The following RBL1 variants were observed in gnomAD, a reference collection of about 807,000 sequenced individuals.
RBL1 encodes RB transcriptional corepressor like 1.
RBL1 carries 82 observed loss-of-function variants against 123.0 expected under a neutral mutation model. The ratio of observed to expected loss-of-function variants is 0.67; its 90% CI spans 0.56 to 0.80. The LOEUF is 0.80. Ranked by LOEUF, RBL1 falls within the 30% of genes least tolerant of loss-of-function variation. The pLI, the probability that RBL1 is intolerant of heterozygous loss-of-function variation, is 0.00. For synonymous variants in RBL1, 405 were observed against 441.3 expected, an observed-to-expected ratio of 0.92 and a Z score of 1.03; for missense variants, 1,171 against 1,299.6, an observed-to-expected ratio of 0.90 and a Z score of 1.52.
intron 11 of RBL1, among the ~76,000 whole-genome samples, chr20:37,052,438 T>C (rs900692094): frequency 5.9e-5 from 9 of 152,022 alleles, no homozygotes; most frequent in African/African-American, 2.2e-4. Flanking sequence ...CTCAAGCGAT[T>C]CTCCTGCTTC....
intron 13 of RBL1, among the ~76,000 whole-genome samples, chr20:37,043,229 C>T (rs1221328243): frequency 1.3e-5 from 2 of 151,698 alleles, no homozygotes; most frequent in Non-Finnish European, 2.9e-5. Context: ...AGCCTCTAGC[C>T]TCTAATCCCA....
intron 14 of RBL1, among the ~76,000 whole-genome samples, chr20:37,037,934 C>T (rs1395432708): frequency 6.6e-6 from 1 of 151,718 alleles, no homozygotes; most frequent in Non-Finnish European, 1.5e-5. Flanking sequence ...ATCTGCCCGC[C>T]TCGGCCTCCC....
intron 19 of RBL1, among the ~76,000 whole-genome samples, chr20:37,012,875 G>T (rs1193839192): frequency 6.7e-6 from 1 of 149,572 alleles, no homozygotes; most frequent in Admixed American, 6.6e-5. Flanking sequence ...GAAGTGAGGA[G>T]CCCCTCTGCC....
intron 16 of RBL1, among the ~76,000 whole-genome samples, chr20:37,031,792 G>A (rs879290136): frequency 4.6e-5 from 7 of 151,964 alleles, no homozygotes; most frequent in Non-Finnish European, 7.4e-5. Flanking sequence ...AGGCTGGAGC[G>A]CAGTGGTGTG....
intron 20 of RBL1, among the ~76,000 whole-genome samples, chr20:37,007,205 C>T (rs772230637): frequency 3.9e-5 from 6 of 152,092 alleles, no homozygotes; most frequent in Non-Finnish European, 7.4e-5. Context: ...GCCCAGATCT[C>T]GCCACTGCAC....
At chr20:37,075,618 A>C (rs1051923839) in intron 2 of RBL1, among the ~76,000 whole-genome samples, 1 of 151,860 alleles carries the variant, frequency 6.6e-6, no homozygotes, top group African/African-American at 2.4e-5. Context: ...ACCACACCTG[A>C]CTAATTTTTG....
In RBL1 at chr20:37,032,663, A is replaced by C; in HGVS notation, c.2382+2T>G. On this transcript the variant is annotated splice_donor_variant, in intron 16 of 21. Coordinates refer to ENST00000373664, the MANE Select transcript of RBL1 (RefSeq NM_002895.5). LOFTEE classifies it high-confidence loss of function. ...CTTCTAAAGTGCTATAAAAACACAT[A>C]CCTTTCTGTAAAATAGTGCTAAGGA... The C allele has an allele frequency of 6.2e-7, 1 of 1,613,846 alleles. No homozygotes were observed. The highest frequency in any genetic ancestry group is 8.5e-7 in the Non-Finnish European group (1 of 1,179,926).
At chr20:37,070,557 C>A (rs1345676096) in intron 2 of RBL1, among the ~76,000 whole-genome samples, 1 of 151,586 alleles carries the variant, frequency 6.6e-6, no homozygotes, top group Admixed American at 6.6e-5. Context: ...AAGACAATTC[C>A]ATTTTCCAAA....
chr20:37,005,873 TTTTCTTTTTTTTTTTTC>T (rs1435393321), intron 20 of RBL1, among the ~76,000 whole-genome samples: 5,707 of 147,242 alleles, frequency 0.039, 402 homozygotes, highest in African/African-American at 0.14. Flanking sequence ...TAGGGCCTTC[TTTTCTTTTTTTTTTTTC>T]TTTCTTTTTT....
chr20:37,091,351 T>G (rs1477030800), intron 1 of RBL1, among the ~76,000 whole-genome samples: 1 of 140,822 alleles, frequency 7.1e-6, no homozygotes, highest in Non-Finnish European at 1.6e-5. Flanking sequence ...GGAGTGAGAC[T>G]CCATCTCAAA....
In RBL1 at chr20:37,004,020, C is replaced by CT. The variant is rs34799722; in HGVS notation, c.2872-155dup. Among the ~76,000 whole-genome samples, 424 of 134,858 alleles carry CT rather than the reference C, an allele frequency of 3.1e-3. 2 individuals are homozygous for CT. The highest frequency in any genetic ancestry group is 9.5e-3 in the South Asian group (39 of 4,094). 88.5% of individuals were successfully genotyped at this position (134,858 alleles called of 152,430 possible). Reference sequence around the variant, plus strand: ...GAAAAAAAATGATCCTTTACTTCTTCTTTTTTTTTTTTAACAACAATAGAT... The same window carrying CT: ...GAAAAAAAATGATCCTTTACTTCTTCTTTTTTTTTTTTTAACAACAATAGAT... On this transcript the variant is annotated intron_variant, in intron 20 of 21. Coordinates refer to ENST00000373664, the MANE Select transcript of RBL1 (RefSeq NM_002895.5).
At position 37,022,793 on chromosome 20, in the gene RBL1, G is replaced by A; in HGVS notation, c.2416C>T (p.Leu806=). 2 of 1,613,116 alleles carry A rather than the reference G, an allele frequency of 1.2e-6. No homozygotes were observed. Among genetic ancestry groups the A allele is most frequent in the Non-Finnish European group, 1.7e-6 (2 of 1,179,510 alleles). Residue 806 remains leucine (L), a synonymous_variant, in exon 17 of 22, where the codon CTA becomes TTA. Transcript: ENST00000373664. ...YHLASVRLRD[L]CLKLDVSNEL... is the part of the protein sequence containing the mutation. ...TTTGAAACATCCAGTTTTAGACATAGATCACGTAAGCGTACACTTGCCAAA... is the reference window on the plus strand; with the variant it reads ...TTTGAAACATCCAGTTTTAGACATAAATCACGTAAGCGTACACTTGCCAAA...
At chr20:37,031,959 G>C (rs1178796752) in intron 16 of RBL1, among the ~76,000 whole-genome samples, 1 of 150,174 alleles carries the variant, frequency 6.7e-6, no homozygotes, top group Non-Finnish European at 1.5e-5. Context: ...TGTCGCCCAG[G>C]GTGGTCTCAA....
At position 37,022,638 on chromosome 20, in the gene RBL1, T is replaced by G. The variant is rs768881752; in HGVS notation, c.2559+12A>C. ...CACCATGCCCAGCCTCTTCTCCCAA[T>G]TTATACATTACCTTTGCCATGATAT... is the stretch of plus-strand genomic sequence containing the variant. On this transcript the variant is annotated intron_variant, in intron 17 of 21. Coordinates refer to ENST00000373664, the MANE Select transcript of RBL1 (RefSeq NM_002895.5). 1 of 1,592,562 alleles carries G rather than the reference T, an allele frequency of 6.3e-7. No homozygotes were observed. Among genetic ancestry groups the G allele is most frequent in the Non-Finnish European group, 8.6e-7 (1 of 1,167,206 alleles).
chr20:37,037,469 A>T (rs552765129), intron 14 of RBL1, among the ~76,000 whole-genome samples: 1 of 152,240 alleles, frequency 6.6e-6, no homozygotes, highest in Non-Finnish European at 1.5e-5. Context: ...TTTAAAAAAG[A>T]AAATAATTCT....
At chr20:37,000,802 C>A (rs1600430429) in intron 21 of RBL1, among the ~76,000 whole-genome samples, 7 of 132,772 alleles carry the variant, frequency 5.3e-5, no homozygotes, top group Admixed American at 7.4e-5. Context: ...GCCAGCCGCC[C>A]CGTCCGGGAG....
chr20:36,999,780 G>A (rs1228708344), intron 21 of RBL1, among the ~76,000 whole-genome samples: 2 of 152,170 alleles, frequency 1.3e-5, no homozygotes, highest in Non-Finnish European at 2.9e-5. Context: ...AGACGGAGTC[G>A]CGTTTACTCA....
intron 9 of RBL1, among the ~76,000 whole-genome samples, chr20:37,056,645 G>A (rs1423284578): frequency 2.0e-5 from 3 of 151,914 alleles, no homozygotes; most frequent in Non-Finnish European, 4.4e-5. Context: ...GAGCCACCAT[G>A]CCCGGCCAAC....
Position 37,044,107 on chromosome 20 carries a change from G to C in RBL1, c.1749C>G (p.Asn583Lys). ...TCACTTCTTCACAGGTAGGAACTTT[G>C]TTTGCAGAAACCTGGAGAGCCTCCC... is the stretch of plus-strand genomic sequence containing the variant. ...ALWEALQVSA[N>K]KVPTCEEVIF... is the part of the protein sequence containing the mutation. The change falls in exon 13 of 22, where the codon AAC becomes AAG. Residue 583 changes from asparagine (N) to lysine (K), a missense_variant. Transcript: ENST00000373664. The C allele has an allele frequency of 6.5e-7, 1 of 1,535,828 alleles. No individual in the cohort carries two copies. Among genetic ancestry groups the C allele is most frequent in the Middle Eastern group, 1.8e-4 (1 of 5,702 alleles).
Sources: gnomAD v4.1 joint callset for allele counts (sites outside exome capture counted in the v4.1 genomes callset) on GRCh38, gnomAD v4.1.1 for gene constraint, MANE v1.5 for transcripts, NCBI Gene and HGNC (gene_info 2026-07-23, HGNC 2026-07-21) for gene names.